Variants in ZC3H12B observed in about 807,000 individuals in gnomAD.
The protein encoded by ZC3H12B is zinc finger CCCH-type containing 12B.
ZC3H12B carries 7 observed loss-of-function variants against 43.9 expected under a neutral mutation model. The ratio of observed to expected loss-of-function variants is 0.16; its 90% CI spans 0.09 to 0.30. ZC3H12B has a LOEUF of 0.30. Ranked by LOEUF, ZC3H12B falls within the 10% of genes least tolerant of loss-of-function variation. The probability of loss-of-function intolerance (pLI) is 1.00; values close to 1 mark genes in which losing one functional copy is unlikely to be tolerated. For missense variants in ZC3H12B, 475 were observed against 670.2 expected (o/e 0.71, Z 3.22); for synonymous variants, 222 against 241.7 (o/e 0.92, Z 0.76).
At chrX:65,443,788 T>G (rs1294909147) in intron 3 of ZC3H12B, among the ~76,000 whole-genome samples, 1 of 112,531 alleles carries the variant, frequency 8.9e-6, no homozygotes, top group Non-Finnish European at 1.9e-5. Context: ...CTGCAGAGAT[T>G]GTATTTATGG....
chrX:65,341,006 G>A, the ZC3H12B span, among the ~76,000 whole-genome samples: 1 of 112,024 alleles, frequency 8.9e-6, no homozygotes, highest in African/African-American at 3.2e-5. Context: ...GAATAGAAAA[G>A]AATGTAACCC....
the ZC3H12B span, among the ~76,000 whole-genome samples, chrX:65,324,372 T>A: frequency 8.9e-6 from 1 of 111,773 alleles, no homozygotes; most frequent in Non-Finnish European, 1.9e-5. Context: ...TCTTCTTTTT[T>A]TCTATTCCAT....
chrX:65,497,796 C>T (rs1021558406), intron 2 of ZC3H12B, among the ~76,000 whole-genome samples: 13 of 112,420 alleles, frequency 1.2e-4, no homozygotes, highest in African/African-American at 4.2e-4. Context: ...TTTCTTCTCA[C>T]ATCAGAAGAA....
At chrX:65,425,280 T>C (rs764056204) in intron 3 of ZC3H12B, among the ~76,000 whole-genome samples, 1 of 110,831 alleles carries the variant, frequency 9.0e-6, no homozygotes, top group East Asian at 2.8e-4. Context: ...CTGTTGTTGA[T>C]GTATATGAAT....
upstream of ZC3H12B, among the ~76,000 whole-genome samples, chrX:65,364,158 G>A (rs560906902): frequency 1.9e-4 from 21 of 110,754 alleles, no homozygotes; most frequent in South Asian, 3.1e-3. Flanking sequence ...TAGTATATTC[G>A]AAATCTATCA....
At chrX:65,379,741 C>A (rs894878581) in intron 2 of ZC3H12B, among the ~76,000 whole-genome samples, 7 of 111,814 alleles carry the variant, frequency 6.3e-5, no homozygotes, top group African/African-American at 2.0e-4. Flanking sequence ...ACTAGAATAA[C>A]CAATACAGCG....
the ZC3H12B span, among the ~76,000 whole-genome samples, chrX:65,313,562 C>G: frequency 8.9e-6 from 1 of 112,136 alleles, no homozygotes; most frequent in Non-Finnish European, 1.9e-5. Context: ...ATGATTCGCA[C>G]TTACAAAGGG....
intron 2 of ZC3H12B, among the ~76,000 whole-genome samples, chrX:65,497,889 G>A (rs974696460): frequency 5.4e-5 from 6 of 111,576 alleles, no homozygotes; most frequent in South Asian, 3.8e-4. Context: ...AATTGAAAAC[G>A]AAATTTTTAA....
chrX:65,478,422 T>G (rs1222110839), intron 3 of ZC3H12B, among the ~76,000 whole-genome samples: 1 of 112,271 alleles, frequency 8.9e-6, no homozygotes, highest in African/African-American at 3.2e-5. Context: ...CATAATTTTT[T>G]TGTTGAAGAC....
At chrX:65,479,338 G>A (rs1602512503) in intron 3 of ZC3H12B, among the ~76,000 whole-genome samples, 1 of 106,103 alleles carries the variant, frequency 9.4e-6, no homozygotes, top group Non-Finnish European at 1.9e-5. Flanking sequence ...TTGAATTTTT[G>A]TTTTGTTGTT....
At chrX:65,320,345 T>C in the ZC3H12B span, among the ~76,000 whole-genome samples, 1 of 111,045 alleles carries the variant, frequency 9.0e-6, no homozygotes, top group African/African-American at 3.3e-5. Context: ...ACCAGGAAGG[T>C]TAAAAATATA....
At chrX:65,304,082 C>T in the ZC3H12B span, among the ~76,000 whole-genome samples, 1 of 111,948 alleles carries the variant, frequency 8.9e-6, no homozygotes, top group African/African-American at 3.2e-5. Context: ...GGAGCCAAAA[C>T]GTTATGTGGA....
the ZC3H12B span, among the ~76,000 whole-genome samples, chrX:65,335,435 G>T: frequency 2.7e-5 from 3 of 112,011 alleles, no homozygotes; most frequent in Non-Finnish European, 5.6e-5. Flanking sequence ...CCTCTCAAGT[G>T]AAACCAATAA....
At chrX:65,141,227 G>A in the ZC3H12B span, among the ~76,000 whole-genome samples, 7 of 109,996 alleles carry the variant, frequency 6.4e-5, 1 homozygote, top group Admixed American at 3.9e-4. Flanking sequence ...GCTGAATTTC[G>A]TAAGTTTTGG....
chrX:65,147,096 C>T, the ZC3H12B span, among the ~76,000 whole-genome samples: 1 of 112,113 alleles, frequency 8.9e-6, no homozygotes, highest in Non-Finnish European at 1.9e-5. Flanking sequence ...CAATATTCCT[C>T]CTTTTATGGA....
At chrX:65,343,316 A>G in the ZC3H12B span, among the ~76,000 whole-genome samples, 2 of 112,091 alleles carry the variant, frequency 1.8e-5, no homozygotes, top group African/African-American at 6.5e-5. Context: ...CTCTTTCCTA[A>G]CTCATTCTAT....
chrX:65,240,415 A>G, the ZC3H12B span, among the ~76,000 whole-genome samples: 1 of 112,123 alleles, frequency 8.9e-6, no homozygotes, highest in Non-Finnish European at 1.9e-5. Flanking sequence ...TTAAGGCTCC[A>G]TCAGGTCTTT....
chrX:65,306,783 A>C, the ZC3H12B span, among the ~76,000 whole-genome samples: 7 of 112,684 alleles, frequency 6.2e-5, no homozygotes, highest in Non-Finnish European at 1.1e-4. Flanking sequence ...AAGTCTATTA[A>C]CAGGTGAGTG....
chrX:65,103,582 A>G, the ZC3H12B span, among the ~76,000 whole-genome samples: 17 of 112,036 alleles, frequency 1.5e-4, no homozygotes, highest in Admixed American at 6.6e-4. Flanking sequence ...TATGGAAGTG[A>G]TAATGTCCGT....
Sources: allele counts gnomAD v4.1 joint callset (sites outside exome capture counted in the v4.1 genomes callset), GRCh38; gene constraint gnomAD v4.1.1; transcripts MANE v1.5; gene names NCBI Gene and HGNC (gene_info 2026-07-23, HGNC 2026-07-21).